The following CFAP74 variants were observed in gnomAD, a reference collection of about 807,000 sequenced individuals.
CFAP74 encodes the protein cilia- and flagella-associated protein 74.
CFAP74 carries 124 observed loss-of-function variants against 188.9 expected under a neutral mutation model. The observed-to-expected ratio is 0.66, with a 90% CI of 0.57 to 0.76. The LOEUF (loss-of-function observed/expected upper bound fraction) is 0.76, where lower values mean the gene tolerates loss of function less well. Ranked by LOEUF, CFAP74 falls within the 30% of genes least tolerant of loss-of-function variation. The pLI, the probability that CFAP74 is intolerant of heterozygous loss-of-function variation, is 0.00. For missense variants in CFAP74, 2,198 were observed against 2,165.2 expected, an observed-to-expected ratio of 1.02 and a Z score of -0.30; for synonymous variants, 956 against 916.7, an observed-to-expected ratio of 1.04 and a Z score of -0.77.
intron 17 of CFAP74, among the ~76,000 whole-genome samples, 199 bp from the exon 18 acceptor site, chr1:1,956,049 C>T (rs1468363495): frequency 6.6e-6 from 1 of 152,210 alleles, no homozygotes; most frequent in Non-Finnish European, 1.5e-5. Flanking sequence ...CACCCAGAGA[C>T]TCAGAGTCAC....
chr1:1,986,943 C>T lies in CFAP74; in HGVS notation c.389G>A (p.Gly130Asp). 4 of 1,601,096 alleles carry T rather than the reference C, an allele frequency of 2.5e-6. No homozygotes were observed. The highest frequency in any genetic ancestry group is 2.5e-6 in the Non-Finnish European group (3 of 1,179,368). The change falls in exon 5 of 39, where the codon GGC becomes GAC. Residue 130 changes from glycine to aspartate, a missense_variant. Physicochemically the swap from Gly to Asp is moderately conservative, Grantham distance 94. Transcript: ENST00000682832. ...AAEIATEEEAGNMAAVGRLQA... is the reference protein window; with the variant it reads ...AAEIATEEEADNMAAVGRLQA... Reference sequence around the variant, plus strand: ...CCTGGCGAGGGCCACCTACATGTTGCCCGCCTCTTCCTCTGTGGCGATCTC... The same window carrying T: ...CCTGGCGAGGGCCACCTACATGTTGTCCGCCTCTTCCTCTGTGGCGATCTC...
intron 18 of CFAP74, among the ~76,000 whole-genome samples, chr1:1,948,123 G>A (rs909745492): frequency 1.1e-4 from 17 of 151,902 alleles, no homozygotes; most frequent in African/African-American, 3.9e-4. Flanking sequence ...TGCCCACCTT[G>A]GCCTCCCAAA....
Position 1,972,169 on chromosome 1 carries a change from C to A in CFAP74, c.786-87G>T, listed in dbSNP as rs536040202. The stretch of plus-strand genomic sequence containing the variant: ...GATCACAGCTCTCTGCAGCCTCGAC[C>A]TCCCAGGCTCAAGTGATCCTCCTGT... On this transcript the variant is annotated intron_variant, in intron 8 of 38. Coordinates refer to ENST00000682832, the MANE Select transcript of CFAP74 (RefSeq NM_001304360.2). 4 of 991,804 alleles carry A rather than the reference C, an allele frequency of 4.0e-6. No homozygotes were observed. The African/African-American group carries it at 6.3e-5, about 16-fold the overall frequency. 61.4% of individuals were successfully genotyped at this position (991,804 alleles called of 1,614,324 possible).
chr1:1,996,728 C>T (rs1476690734), intron 1 of CFAP74, among the ~76,000 whole-genome samples: 1 of 151,818 alleles, frequency 6.6e-6, no homozygotes, highest in Non-Finnish European at 1.5e-5. Flanking sequence ...TGAGACCAGC[C>T]TGACCAACAT....
chr1:1,925,162 G>C (rs1651770641), intron 33 of CFAP74, among the ~76,000 whole-genome samples: 1 of 148,962 alleles, frequency 6.7e-6, no homozygotes, highest in Non-Finnish European at 1.5e-5. Flanking sequence ...GCGAAGGCAT[G>C]AGGGCACGCA....
chr1:1,999,055 C>T (rs113486259), intron 1 of CFAP74, among the ~76,000 whole-genome samples: 2 of 152,140 alleles, frequency 1.3e-5, no homozygotes, highest in African/African-American at 4.8e-5. Flanking sequence ...TGTCTACATG[C>T]AAGAGCAAGA....
chr1:1,956,850 C>T, intron 16 of CFAP74, 66 bp from the exon 17 acceptor site: 1 of 1,542,798 alleles, frequency 6.5e-7, no homozygotes, highest in Non-Finnish European at 8.8e-7. Context: ...CAGCGTGAGG[C>T]CTGCACGTGG....
rs748744009 is a variant in CFAP74, at chr1:1,922,341, A to T, written c.4866T>A (p.Asp1622Glu). The change falls in exon 39 of 39, where the codon GAT (aspartate) becomes GAA (glutamate). Residue 1622 changes from aspartate to glutamate, a missense_variant. Asp to Glu is a conservative substitution (Grantham distance 45). Transcript: ENST00000682832. Reference protein sequence around the residue: ...MVSALLQLRGDVKETYKVIFV... With the variant: ...MVSALLQLRGEVKETYKVIFV... ...AGATGACCTTGTAGGTCTCCTTCAC[A>T]TCCCCCCTTAGCTGCAGCAGGGCCG... 1 of 1,605,002 alleles carries T rather than the reference A, an allele frequency of 6.2e-7. No homozygotes were observed. The highest frequency in any genetic ancestry group is 8.5e-7 in the Non-Finnish European group (1 of 1,177,530).
chr1:1,969,249 AGCCCTGCCCAACCCAGCCCTGCCCT>A (rs1558039166), intron 10 of CFAP74, among the ~76,000 whole-genome samples: 2 of 41,622 alleles, frequency 4.8e-5, no homozygotes, highest in African/African-American at 1.1e-4. Flanking sequence ...AGCCCTGCCC[AGCCCTGCCCAACCCAGCCCTGCCCT>A]GCCCTGCCCA....
intron 14 of CFAP74, among the ~76,000 whole-genome samples, chr1:1,961,802 A>G (rs762832616): frequency 6.6e-6 from 1 of 152,212 alleles, no homozygotes; most frequent in Non-Finnish European, 1.5e-5. Flanking sequence ...GAGGAAGGAG[A>G]CGGGAACAAA....
At chr1:1,966,132 G>A (rs547775526) in intron 12 of CFAP74, among the ~76,000 whole-genome samples, 66 of 152,358 alleles carry the variant, frequency 4.3e-4, no homozygotes, top group African/African-American at 1.6e-3. Flanking sequence ...CTGTCAGGGG[G>A]AGCTTGGGGT....
rs1180968890 is a variant in CFAP74, at chr1:1,990,997, T to C, written c.-19-22A>G. On this transcript the variant is annotated intron_variant, in intron 1 of 38. Transcript: ENST00000682832. ...TTAGCTGCAAAAGATGATCGCAAAA[T>C]ATAGATCAATAAAATCATAGATTTA... The C allele has an allele frequency of 4.8e-6, 7 of 1,445,552 alleles. No homozygotes were observed. In the South Asian group the frequency reaches 8.5e-5, roughly 18 times the overall value. 89.5% of individuals were successfully genotyped at this position (1,445,552 alleles called of 1,614,324 possible). A position where few individuals can be genotyped will look rare whatever the true frequency, so the allele number is the denominator to read the frequency against.
chr1:1,948,887 TTCCC>T (rs1293560268), intron 18 of CFAP74, among the ~76,000 whole-genome samples: 2 of 147,900 alleles, frequency 1.4e-5, no homozygotes, highest in Non-Finnish European at 3.0e-5. Context: ...CCTTCCTTCC[TTCCC>T]TCCCTCCTTC....
At chr1:1,924,288 C>T in intron 34 of CFAP74, 103 bp downstream of exon 34, 1 of 608,182 alleles carries the variant, frequency 1.6e-6, no homozygotes. Flanking sequence ...TCTCATTGCC[C>T]AGCCCCCTAT....
rs1454292765 is a variant in CFAP74, at chr1:1,930,219, G to A, written c.3129C>T (p.Val1043=). ...LYDTSVATVY[V]INSHLSMSSP... ...AGCTCATGCTCAGGTGAGAGTTGAT[G>A]ACGTACACTGTAGCCACGGAGGTGT... Residue 1043 remains valine, a synonymous_variant, in exon 26 of 39, where the codon GTC becomes GTT. Coordinates refer to ENST00000682832, the MANE Select transcript of CFAP74 (RefSeq NM_001304360.2). 6.5e-7 allele frequency: 1 copy of A among 1,535,634 alleles called. No individual in the cohort carries two copies. The highest frequency in any genetic ancestry group is 1.4e-5 in the African/African-American group (1 of 73,038).
intron 1 of CFAP74, among the ~76,000 whole-genome samples, chr1:1,997,068 G>A (rs972827052): frequency 1.3e-5 from 2 of 151,962 alleles, no homozygotes; most frequent in African/African-American, 4.8e-5. Context: ...AAACAGGGAC[G>A]CTCTCTAAAA....
intron 12 of CFAP74, 116 bp downstream of exon 12, chr1:1,966,255 C>G: frequency 9.9e-7 from 1 of 1,006,288 alleles, no homozygotes; most frequent in Non-Finnish European, 1.4e-6. Context: ...ATGGCAGGCA[C>G]AGCCAGGAGA....
chr1:1,938,983 C>T lies in CFAP74; in HGVS notation c.2883G>A (p.Val961=). ...CAAACCCATCGTTGGGTTGGACGTCCACAAACTGGAAATAGAAGAGTGCTC... is the reference window on the plus strand; with the variant it reads ...CAAACCCATCGTTGGGTTGGACGTCTACAAACTGGAAATAGAAGAGTGCTC... ...EFGFVRLPKF[V]DVQPNDGFGT... is the part of the protein sequence containing the mutation. Residue 961 remains valine (V), a synonymous_variant, in exon 25 of 39, where the codon GTG becomes GTA. Coordinates refer to ENST00000682832, the MANE Select transcript of CFAP74 (RefSeq NM_001304360.2). 6.5e-7 allele frequency: 1 copy of T among 1,535,924 alleles called. No individual in the cohort carries two copies. Among genetic ancestry groups the T allele is most frequent in the Non-Finnish European group, 8.7e-7 (1 of 1,146,746 alleles).
chr1:1,985,477 G>A lies in CFAP74; in HGVS notation c.409C>T (p.Arg137Cys), dbSNP rs577565084. 2.0e-5 allele frequency: 32 copies of A among 1,613,518 alleles called. No homozygotes were observed. The highest frequency in any genetic ancestry group is 2.6e-5 in the Non-Finnish European group (31 of 1,179,932). ...AGGCGTCTGGACACGGCCTGGAGGC[G>A]GCCCACAGCGGCCCTGCAGTGGTGA... ...EEAGNMAAVGRLQAVSRRLFA... is the reference protein window; with the variant it reads ...EEAGNMAAVGCLQAVSRRLFA... The change falls in exon 6 of 39, where the codon CGC becomes TGC. Residue 137 changes from arginine to cysteine, a missense_variant. Transcript: ENST00000682832.
Sources: allele counts gnomAD v4.1 joint callset (sites outside exome capture counted in the v4.1 genomes callset), GRCh38; gene constraint gnomAD v4.1.1; transcripts MANE v1.5; gene names NCBI Gene and HGNC (gene_info 2026-07-23, HGNC 2026-07-21).